Variants in ZNF385B observed in about 807,000 individuals in gnomAD.
ZNF385B encodes zinc finger protein 533.
A neutral mutation model predicts 39.2 loss-of-function variants in ZNF385B; 23 were observed. The observed-to-expected ratio is 0.59, with a 90% CI of 0.42 to 0.83. The LOEUF is 0.83. ZNF385B is among the 40% of genes least tolerant of loss of function. The pLI is 0.00. For missense variants in ZNF385B, 552 were observed against 598.9 expected (o/e 0.92, Z 0.82); for synonymous variants, 205 against 222.6 (o/e 0.92, Z 0.70).
chr2:179,820,747 C>T (rs910311408), intron 1 of ZNF385B, among the ~76,000 whole-genome samples: 1 of 152,000 alleles, frequency 6.6e-6, no homozygotes, highest in Non-Finnish European at 1.5e-5. Flanking sequence ...TATTTCCTCA[C>T]TTACTATAAG....
intron 6 of ZNF385B, among the ~76,000 whole-genome samples, chr2:179,475,516 C>T (rs2053314745): frequency 6.6e-6 from 1 of 151,774 alleles, no homozygotes; most frequent in African/African-American, 2.4e-5. Flanking sequence ...TTCCAAAGTG[C>T]TGGGATTACA....
At position 179,447,811 on chromosome 2, in the gene ZNF385B, G is replaced by A. The variant is rs1285402764; in HGVS notation, c.716-1041C>T. 2.6e-5 allele frequency among the ~76,000 whole-genome samples: 4 copies of A among 152,164 alleles called. No homozygotes were observed. In the East Asian group the frequency reaches 7.7e-4, roughly 29 times the overall value. ...AAGACTAAGAGGGAAGGAGAGACTA[G>A]GCAACAGCAATGTGGTGTGTGTTTC... is the stretch of plus-strand genomic sequence containing the variant. On this transcript the variant is annotated intron_variant, in intron 6 of 9. Coordinates refer to ENST00000410066, the MANE Select transcript of ZNF385B (RefSeq NM_152520.6).
intron 3 of ZNF385B, among the ~76,000 whole-genome samples, chr2:179,561,710 A>T (rs1421310568): frequency 6.6e-6 from 1 of 152,108 alleles, no homozygotes; most frequent in East Asian, 1.9e-4. Flanking sequence ...AGAATTTCAC[A>T]AGTACCTACT....
intron 1 of ZNF385B, among the ~76,000 whole-genome samples, chr2:179,774,195 T>C (rs1160937314): frequency 6.6e-6 from 1 of 151,724 alleles, no homozygotes. Context: ...ATGTAGTGTG[T>C]GTGTGGTCTG....
At chr2:179,799,927 T>C (rs1705923001) in intron 1 of ZNF385B, among the ~76,000 whole-genome samples, 1 of 152,114 alleles carries the variant, frequency 6.6e-6, no homozygotes. Context: ...AGAACTCAGT[T>C]ATAAATATCT....
chr2:179,779,896 TA>T (rs1420386386), intron 1 of ZNF385B, among the ~76,000 whole-genome samples: 3 of 152,152 alleles, frequency 2.0e-5, no homozygotes, highest in East Asian at 1.9e-4. Context: ...GATGTTTATA[TA>T]TTTTTTTATT....
At chr2:179,446,978 G>A (rs2049566150) in intron 6 of ZNF385B, among the ~76,000 whole-genome samples, 1 of 152,146 alleles carries the variant, frequency 6.6e-6, no homozygotes, top group Admixed American at 6.5e-5. Flanking sequence ...GTCATCCCAA[G>A]ATAAGGATGA....
At chr2:179,546,331 C>T (rs2060232200) in intron 3 of ZNF385B, among the ~76,000 whole-genome samples, 1 of 152,140 alleles carries the variant, frequency 6.6e-6, no homozygotes. Context: ...GCCACCACAC[C>T]CAGCCTCTAA....
At chr2:179,540,370 C>A (rs2059838529) in intron 4 of ZNF385B, among the ~76,000 whole-genome samples, 1 of 151,966 alleles carries the variant, frequency 6.6e-6, no homozygotes. Flanking sequence ...CGCTTGAACC[C>A]GGGAGGCAGA....
intron 4 of ZNF385B, among the ~76,000 whole-genome samples, chr2:179,527,672 C>T (rs16866761): frequency 0.14 from 20,977 of 152,082 alleles, 1,853 homozygotes; most frequent in East Asian, 0.37. Flanking sequence ...ATATTCAGTT[C>T]TCTCCTTAGG....
chr2:179,573,942 T>C (rs554916706), intron 3 of ZNF385B, among the ~76,000 whole-genome samples: 1 of 152,292 alleles, frequency 6.6e-6, no homozygotes, highest in East Asian at 1.9e-4. Context: ...AGTTCTGACA[T>C]AACTTGATAA....
chr2:179,696,326 C>CTTGTTTTTTTTTTTTTTTTT (rs1698743638), intron 3 of ZNF385B, among the ~76,000 whole-genome samples: 1 of 40,358 alleles, frequency 2.5e-5, no homozygotes. Context: ...CAAACTGGGA[C>CTTGTTTTTTTTTTTTTTTTT]TTTTTTTTTT....
chr2:179,566,730 T>G (rs1165716027), intron 3 of ZNF385B, among the ~76,000 whole-genome samples: 4 of 152,148 alleles, frequency 2.6e-5, no homozygotes, highest in Non-Finnish European at 5.9e-5. Flanking sequence ...TTTTGATGTC[T>G]TCACTTTGAA....
chr2:179,770,104 G>A (rs1703929603), intron 2 of ZNF385B, among the ~76,000 whole-genome samples: 1 of 151,996 alleles, frequency 6.6e-6, no homozygotes. Context: ...CCACCCATGA[G>A]ATCTCAGCTG....
At chr2:179,459,152 T>C (rs2051020149) in intron 6 of ZNF385B, among the ~76,000 whole-genome samples, 1 of 152,234 alleles carries the variant, frequency 6.6e-6, no homozygotes, top group African/African-American at 2.4e-5. Flanking sequence ...GAAGAATTAA[T>C]GGACACTCAA....
intron 1 of ZNF385B, among the ~76,000 whole-genome samples, chr2:179,824,975 C>T (rs1420033438): frequency 1.3e-5 from 2 of 152,102 alleles, no homozygotes; most frequent in Non-Finnish European, 2.9e-5. Context: ...TAGGCATACT[C>T]TTTGTGTGAG....
intron 3 of ZNF385B, among the ~76,000 whole-genome samples, chr2:179,546,599 C>A (rs995975143): frequency 2.6e-5 from 4 of 152,072 alleles, no homozygotes; most frequent in Admixed American, 1.3e-4. Context: ...ATATATGTAA[C>A]TCATTTTCTT....
At chr2:179,631,324 T>C (rs2106190626) in intron 3 of ZNF385B, among the ~76,000 whole-genome samples, 1 of 152,314 alleles carries the variant, frequency 6.6e-6, no homozygotes, top group African/African-American at 2.4e-5. Flanking sequence ...TGGATCTCTC[T>C]GCACAAACCC....
At chr2:179,680,573 G>T (rs985780830) in intron 3 of ZNF385B, among the ~76,000 whole-genome samples, 6 of 152,026 alleles carry the variant, frequency 3.9e-5, no homozygotes, top group African/African-American at 1.4e-4. Context: ...ACTTAAGTTT[G>T]TTAACTTTGT....
Sources: allele counts gnomAD v4.1 joint callset (sites outside exome capture counted in the v4.1 genomes callset), GRCh38; gene constraint gnomAD v4.1.1; transcripts MANE v1.5; gene names NCBI Gene and HGNC (gene_info 2026-07-23, HGNC 2026-07-21).